Variants in DTNB observed in about 807,000 individuals in gnomAD.
DTNB encodes the protein DTN-B.
In DTNB, 63 loss-of-function variants were observed where a neutral mutation model predicts 90.7. The ratio of observed to expected loss-of-function variants is 0.69; its 90% CI spans 0.57 to 0.86. The LOEUF (loss-of-function observed/expected upper bound fraction) is 0.86, where lower values mean the gene tolerates loss of function less well. DTNB is among the 40% of genes least tolerant of loss of function. The probability of loss-of-function intolerance (pLI) is 0.00; values close to 1 mark genes in which losing one functional copy is unlikely to be tolerated. For synonymous variants in DTNB, 277 were observed against 286.7 expected (o/e 0.97, Z 0.34); for missense variants, 744 against 807.1 (o/e 0.92, Z 0.95).
chr2:25,472,147 C>A (rs1376546277), intron 10 of DTNB, among the ~76,000 whole-genome samples: 1 of 152,178 alleles, frequency 6.6e-6, no homozygotes, highest in Non-Finnish European at 1.5e-5. Flanking sequence ...GGAGTCTACA[C>A]CCTCAAAGAG....
chr2:25,491,653 G>A (rs2067519968), intron 9 of DTNB, among the ~76,000 whole-genome samples: 3 of 151,898 alleles, frequency 2.0e-5, no homozygotes, highest in Non-Finnish European at 1.5e-5. Context: ...CCCTTCACTG[G>A]GAACAGTGGT....
At chr2:25,628,008 C>T (rs112984974) in intron 4 of DTNB, among the ~76,000 whole-genome samples, 163 bp downstream of exon 4, 5,782 of 152,164 alleles carry the variant, frequency 0.038, 160 homozygotes, top group African/African-American at 0.091. Context: ...AGTGCTGGGA[C>T]TACAGCTGTG....
rs770102836 is a variant in DTNB, at chr2:25,531,637, A to G, written c.877-40T>C. The G allele has an allele frequency of 4.4e-6, 7 of 1,575,342 alleles. No homozygotes were observed. In the South Asian group the frequency reaches 8.4e-5, roughly 19 times the overall value. Reference sequence around the variant, plus strand: ...AAAATAGTAAGGAATTAACCCTTCAAAAGAATGAAAGGAACTTCAAAAAAG... The same window carrying G: ...AAAATAGTAAGGAATTAACCCTTCAGAAGAATGAAAGGAACTTCAAAAAAG... On this transcript the variant is annotated intron_variant, in intron 8 of 20. Coordinates refer to ENST00000406818, the MANE Select transcript of DTNB (RefSeq NM_021907.5).
intron 1 of DTNB, among the ~76,000 whole-genome samples, chr2:25,661,065 A>G (rs1446760199): frequency 6.6e-6 from 1 of 152,174 alleles, no homozygotes; most frequent in African/African-American, 2.4e-5. Context: ...ACCCATCTCT[A>G]ATATGTTTAC....
chr2:25,445,920 G>GT (rs11453188), intron 12 of DTNB, among the ~76,000 whole-genome samples: 69,681 of 137,070 alleles, frequency 0.51, 17,482 homozygotes, highest in East Asian at 0.64. Flanking sequence ...ACCCTGGGTA[G>GT]TTTTTTTTTT....
At chr2:25,655,147 C>T (rs1012700205) in intron 1 of DTNB, among the ~76,000 whole-genome samples, 2 of 152,184 alleles carry the variant, frequency 1.3e-5, no homozygotes, top group African/African-American at 4.8e-5. Context: ...AAAAATTAGA[C>T]CCAAGTTTCG....
At chr2:25,477,978 G>T (rs2064068845) in intron 10 of DTNB, among the ~76,000 whole-genome samples, 1 of 145,880 alleles carries the variant, frequency 6.9e-6, no homozygotes. Flanking sequence ...TGTTGCTATT[G>T]TTTCTCTTCT....
At position 25,424,546 on chromosome 2, in the gene DTNB, A is replaced by G. The variant is rs1415008907; in HGVS notation, c.1554+2989T>C. 6.6e-6 allele frequency among the ~76,000 whole-genome samples: 1 copy of G among 152,024 alleles called. No homozygotes were observed. Among genetic ancestry groups the G allele is most frequent in the Non-Finnish European group, 1.5e-5 (1 of 68,008 alleles). On this transcript the variant is annotated intron_variant, in intron 15 of 20. Transcript: ENST00000406818. This position sits in a 1 kb window ranked among gnomAD's most constrained non-coding sequence, Gnocchi z 4.1. Reference sequence around the variant, plus strand: ...TCTGGCTTCCCTGCAGTTTACATAAACCTTTTGCCTTTTACAAAAATCACA... The same window carrying G: ...TCTGGCTTCCCTGCAGTTTACATAAGCCTTTTGCCTTTTACAAAAATCACA...
chr2:25,633,887 G>A (rs1183539289), intron 3 of DTNB, among the ~76,000 whole-genome samples: 5 of 151,128 alleles, frequency 3.3e-5, no homozygotes, highest in Admixed American at 2.0e-4. Context: ...GGTGAGGAGC[G>A]TCTCTGCCCG....
intron 9 of DTNB, among the ~76,000 whole-genome samples, chr2:25,510,326 CT>C (rs2073661573): frequency 1.3e-5 from 2 of 151,290 alleles, no homozygotes; most frequent in African/African-American, 4.9e-5. Context: ...TAACATACTC[CT>C]TTTTTAAAAA....
intron 8 of DTNB, among the ~76,000 whole-genome samples, chr2:25,575,925 C>T (rs2060581216): frequency 6.6e-6 from 1 of 152,064 alleles, no homozygotes; most frequent in Admixed American, 6.5e-5. Flanking sequence ...TTGATGATAA[C>T]CATGTTACAT....
intron 8 of DTNB, among the ~76,000 whole-genome samples, chr2:25,533,241 G>A (rs1033986762): frequency 5.9e-5 from 9 of 152,230 alleles, no homozygotes; most frequent in South Asian, 2.1e-4. Context: ...TGGGAGGATC[G>A]CTTCAGCCCG....
chr2:25,589,586 G>A (rs529110462), intron 6 of DTNB, among the ~76,000 whole-genome samples: 50 of 151,778 alleles, frequency 3.3e-4, no homozygotes, highest in Non-Finnish European at 6.2e-4. Context: ...TCACCACGTC[G>A]GCCAGGCTGT....
chr2:25,524,716 T>C (rs932095556), intron 9 of DTNB, among the ~76,000 whole-genome samples: 1 of 151,994 alleles, frequency 6.6e-6, no homozygotes, highest in Non-Finnish European at 1.5e-5. Context: ...GCTGCAGCAA[T>C]GAGGAGGGCT....
chr2:25,392,917 C>G (rs550151680), intron 16 of DTNB, among the ~76,000 whole-genome samples: 49 of 152,218 alleles, frequency 3.2e-4, no homozygotes, highest in South Asian at 1.9e-3. Context: ...AACCCTAATA[C>G]CAAAACCAGG....
chr2:25,614,727 C>T (rs140897516), intron 4 of DTNB, among the ~76,000 whole-genome samples: 25 of 152,234 alleles, frequency 1.6e-4, no homozygotes, highest in Non-Finnish European at 2.4e-4. Flanking sequence ...AATCCCGTTG[C>T]GATTCAATGC....
At chr2:25,550,254 G>A (rs1038502154) in intron 8 of DTNB, among the ~76,000 whole-genome samples, 1 of 152,094 alleles carries the variant, frequency 6.6e-6, no homozygotes, top group Non-Finnish European at 1.5e-5. Flanking sequence ...AGCCAGGCGT[G>A]GTGGCAGGTG....
chr2:25,532,331 T>G (rs6731902), intron 8 of DTNB, among the ~76,000 whole-genome samples: 41,653 of 151,102 alleles, frequency 0.28, 6,320 homozygotes, highest in East Asian at 0.51. Flanking sequence ...GTTAGCAAAT[T>G]AGCTAAGTAA....
rs192691841 is a variant in DTNB at position 25,525,351 on chromosome 2, A to T, written c.1001+6122T>A. Among the ~76,000 whole-genome samples the T allele has an allele frequency of 4.3e-3, 652 of 152,270 alleles. 4 individuals carry two copies. The highest frequency in any genetic ancestry group is 0.015 in the African/African-American group (611 of 41,548). Reference sequence around the variant, plus strand: ...ATCTACAATGTTTTATTCATTTTTTAAAAAAGATCCAAGCTGGGCGCAGTG... The same window carrying T: ...ATCTACAATGTTTTATTCATTTTTTTAAAAAGATCCAAGCTGGGCGCAGTG... On this transcript the variant is annotated intron_variant, in intron 9 of 20. Coordinates refer to ENST00000406818, the MANE Select transcript of DTNB (RefSeq NM_021907.5).
Sources: allele counts gnomAD v4.1 joint callset (sites outside exome capture counted in the v4.1 genomes callset), GRCh38; gene constraint gnomAD v4.1.1; non-coding constraint Gnocchi (gnomAD v3.1); transcripts MANE v1.5; gene names NCBI Gene and HGNC (gene_info 2026-07-23, HGNC 2026-07-21).